The following ANKRD10 variants were observed in gnomAD, a reference collection of about 807,000 sequenced individuals.
ANKRD10 encodes ankyrin repeat domain-containing protein 10.
ANKRD10 carries 14 observed loss-of-function variants against 27.0 expected under a neutral mutation model. The ratio of observed to expected loss-of-function variants is 0.52; its 90% confidence interval spans 0.34 to 0.81. ANKRD10 has a LOEUF of 0.81. ANKRD10 is among the 40% of genes least tolerant of loss of function. The pLI, the probability that ANKRD10 is intolerant of heterozygous loss-of-function variation, is 0.01. For synonymous variants in ANKRD10, 250 were observed against 224.5 expected, an observed-to-expected ratio of 1.11 and a Z score of -1.01; for missense variants, 493 against 544.0, an observed-to-expected ratio of 0.91 and a Z score of 0.93.
intron 3 of ANKRD10, chr13:110,900,459 AG>A (rs1365887096): frequency 1.8e-6 from 2 of 1,114,134 alleles, no homozygotes; most frequent in Admixed American, 7.5e-5. Flanking sequence ...AGGTAAGCAA[AG>A]CATGCAAATC....
At chr13:110,901,243 T>C (rs1457636439) in intron 3 of ANKRD10, among the ~76,000 whole-genome samples, 1 of 152,254 alleles carries the variant, frequency 6.6e-6, no homozygotes, top group East Asian at 1.9e-4. Context: ...TATTTAATTA[T>C]GAAGACTTTC....
Position 110,879,669 on chromosome 13 carries a change from G to C in ANKRD10, c.1231C>G (p.Leu411Val). 1 of 1,613,716 alleles carries C rather than the reference G, an allele frequency of 6.2e-7. No homozygotes were observed. The highest frequency in any genetic ancestry group is 8.5e-7 in the Non-Finnish European group (1 of 1,179,944). Residue 411 changes from leucine to valine, a missense_variant, in exon 6 of 6, where the codon CTG (leucine) becomes GTG (valine). Physicochemically the swap from Leu to Val is conservative, Grantham distance 32. Coordinates refer to ENST00000267339, the MANE Select transcript of ANKRD10 (RefSeq NM_017664.4). ...CCGTGGTGCAGGTGCATGGTGCCCA[G>C]CACGGCACTGTCGTACCGCTCCTGC... ...KVQERYDSAV[L>V]GTMHLHHGS
chr13:110,890,020 CAT>C (rs745486928), intron 4 of ANKRD10, among the ~76,000 whole-genome samples: 5 of 152,086 alleles, frequency 3.3e-5, no homozygotes, highest in Non-Finnish European at 5.9e-5. Context: ...ATTTTATATA[CAT>C]GTGTTAAATG....
rs1280645063 is a variant in ANKRD10 at position 110,915,067 on chromosome 13, C to T, written c.-133G>A. On this transcript the variant is annotated 5_prime_UTR_variant, in exon 1 of 6. Transcript: ENST00000267339. The stretch of plus-strand genomic sequence containing the variant: ...GTCCCACAGGCTGCCGAGCGGAGCG[C>T]GCACAGAGGGGGCGGGGCGGGGCCT... 1.4e-6 allele frequency: 2 copies of T among 1,397,570 alleles called. No homozygotes were observed. Among genetic ancestry groups the T allele is most frequent in the East Asian group, 2.8e-5 (1 of 35,482 alleles). The allele number at this position is 1,397,570 out of a possible 1,614,324, so 86.6% of individuals were successfully genotyped here. A position where few individuals can be genotyped will look rare whatever the true frequency, so the allele number is the denominator to read the frequency against.
chr13:110,905,970 G>T, intron 3 of ANKRD10, 63 bp downstream of exon 3: 2 of 1,437,340 alleles, frequency 1.4e-6, no homozygotes, highest in Non-Finnish European at 1.9e-6. Flanking sequence ...CTTATGTACT[G>T]CCTTTAAACA....
At chr13:110,910,005 A>C (rs1002749207) in intron 2 of ANKRD10, among the ~76,000 whole-genome samples, 2 of 152,266 alleles carry the variant, frequency 1.3e-5, no homozygotes, top group Non-Finnish European at 2.9e-5. Flanking sequence ...AATGGTTATT[A>C]GATGCTGCTT....
intron 4 of ANKRD10, among the ~76,000 whole-genome samples, chr13:110,892,438 G>GAAAAAA (rs2065105005): frequency 9.0e-5 from 1 of 11,092 alleles, no homozygotes; most frequent in African/African-American, 3.3e-4. Context: ...AAAAAAAAAT[G>GAAAAAA]GTGGGAGAAT....
At position 110,879,623 on chromosome 13, in the gene ANKRD10, CCAGGTCAGCGT is replaced by C. The variant is rs759810661; in HGVS notation, c.*3_*13del. 3 of 1,595,402 alleles carry C rather than the reference CCAGGTCAGCGT, an allele frequency of 1.9e-6. No individual in the cohort carries two copies. Among genetic ancestry groups the C allele is most frequent in the Non-Finnish European group, 2.6e-6 (3 of 1,166,416 alleles). Reference sequence around the variant, plus strand: ...GGAAGGACTCCTGCGTTTCCGAGAGCCAGGTCAGCGTCTCTAGGAGCCGTGGTGCAGGTGCA... The same window carrying C: ...GGAAGGACTCCTGCGTTTCCGAGAGCCTCTAGGAGCCGTGGTGCAGGTGCA... On this transcript the variant is annotated 3_prime_UTR_variant, in exon 6 of 6. Transcript: ENST00000267339.
At chr13:110,905,616 CCTT>C (rs1194864265) in intron 3 of ANKRD10, among the ~76,000 whole-genome samples, 2 of 152,174 alleles carry the variant, frequency 1.3e-5, no homozygotes, top group African/African-American at 4.8e-5. Context: ...TCTTCAGAAA[CCTT>C]CTGAGCCAGA....
In ANKRD10 at chr13:110,879,715, C is replaced by G. The variant is rs2138815139; in HGVS notation, c.1185G>C (p.Glu395Asp). The change falls in exon 6 of 6, where the codon GAG becomes GAC. Residue 395 changes from glutamate to aspartate, a missense_variant. Coordinates refer to ENST00000267339, the MANE Select transcript of ANKRD10 (RefSeq NM_017664.4). ...CCTGCACCTTCACGGACTTGGAATG[C>G]TCGACCACACTGTTCAGTTCTGGGA... ...ESIPELNSVV[E>D]HSKSVKVQER... The G allele has an allele frequency of 6.2e-7, 1 of 1,614,232 alleles. No homozygotes were observed. The highest frequency in any genetic ancestry group is 2.2e-5 in the East Asian group (1 of 44,888).
intron 4 of ANKRD10, chr13:110,892,566 CATAGTACAGAA>C (rs1478794737): frequency 6.1e-5 from 15 of 247,072 alleles, no homozygotes; most frequent in East Asian, 1.7e-4. Flanking sequence ...GAGGTCAAAT[CATAGTACAGAA>C]ATAGTACAGA....
intron 4 of ANKRD10, 128 bp from the exon 5 acceptor site, chr13:110,883,921 G>T: frequency 9.3e-7 from 1 of 1,071,036 alleles, no homozygotes; most frequent in Non-Finnish European, 1.3e-6. Context: ...AAAATCGACA[G>T]GTCACTAATG....
At chr13:110,903,209 AT>A (rs1229980634) in intron 3 of ANKRD10, among the ~76,000 whole-genome samples, 2 of 152,224 alleles carry the variant, frequency 1.3e-5, no homozygotes, top group African/African-American at 2.4e-5. Flanking sequence ...TGGAACTACC[AT>A]ATAAGCAAGA....
At chr13:110,891,852 A>C (rs2065081705) in intron 4 of ANKRD10, among the ~76,000 whole-genome samples, 1 of 127,574 alleles carries the variant, frequency 7.8e-6, no homozygotes, top group African/African-American at 2.7e-5. Flanking sequence ...AAGCTATCAC[A>C]TTTACCTTCT....
At chr13:110,884,482 AG>A (rs2064879455) in intron 4 of ANKRD10, among the ~76,000 whole-genome samples, 1 of 152,186 alleles carries the variant, frequency 6.6e-6, no homozygotes, top group Non-Finnish European at 1.5e-5. Context: ...TCTTACAACA[AG>A]CAGCTCCATG....
chr13:110,884,829 C>T (rs1566448513), intron 4 of ANKRD10, among the ~76,000 whole-genome samples: 2 of 152,262 alleles, frequency 1.3e-5, no homozygotes, highest in Admixed American at 1.3e-4. Flanking sequence ...TGCTAAATAC[C>T]TCCTTCATAT....
rs112538904 is a variant in ANKRD10 at position 110,912,462 on chromosome 13, G to A, written c.211-1692C>T. Among the ~76,000 whole-genome samples, 1,106 of 152,294 alleles carry A rather than the reference G, an allele frequency of 7.3e-3. 9 individuals are homozygous for A. Among genetic ancestry groups the A allele is most frequent in the African/African-American group, 0.025 (1,025 of 41,558 alleles). On this transcript the variant is annotated intron_variant, in intron 1 of 5. Coordinates refer to ENST00000267339, the MANE Select transcript of ANKRD10 (RefSeq NM_017664.4). Reference sequence around the variant, plus strand: ...GGTGAAAATGAAAGTATTAATTAGCGATAAGATGAACAGGTTGCAAATCCA... The same window carrying A: ...GGTGAAAATGAAAGTATTAATTAGCAATAAGATGAACAGGTTGCAAATCCA...
intron 4 of ANKRD10, among the ~76,000 whole-genome samples, chr13:110,889,805 T>A (rs1015540718): frequency 1.3e-5 from 2 of 152,216 alleles, no homozygotes; most frequent in Non-Finnish European, 2.9e-5. Context: ...TTTGTAAATA[T>A]AAATTCCACA....
chr13:110,906,760 A>G (rs1345540031), intron 2 of ANKRD10, among the ~76,000 whole-genome samples: 1 of 152,144 alleles, frequency 6.6e-6, no homozygotes, highest in East Asian at 1.9e-4. Flanking sequence ...GGAGAAGAAC[A>G]CAAAGGTAAA....
Sources: allele counts gnomAD v4.1 joint callset (sites outside exome capture counted in the v4.1 genomes callset), GRCh38; gene constraint gnomAD v4.1.1; transcripts MANE v1.5; gene names NCBI Gene and HGNC (gene_info 2026-07-23, HGNC 2026-07-21).